The following BSN variants were observed in gnomAD, a reference collection of about 807,000 sequenced individuals.
BSN encodes the protein bassoon presynaptic cytomatrix protein.
BSN carries 57 observed loss-of-function variants against 264.8 expected under a neutral mutation model. That is an observed-to-expected ratio of 0.22 (90% CI 0.17 to 0.27). The LOEUF is 0.27. Ranked by LOEUF, BSN falls within the 10% of genes least tolerant of loss-of-function variation. The probability of loss-of-function intolerance (pLI) is 1.00; values close to 1 mark genes in which losing one functional copy is unlikely to be tolerated. For missense variants in BSN, 4,615 were observed against 5,232.5 expected, an observed-to-expected ratio of 0.88 and a Z score of 3.64; for synonymous variants, 2,059 against 2,137.3, an observed-to-expected ratio of 0.96 and a Z score of 1.01.
Position 49,663,813 on chromosome 3 carries a change from T to G in BSN, c.11535T>G (p.Ser3845=). 1 of 1,614,134 alleles carries G rather than the reference T, an allele frequency of 6.2e-7. No individual in the cohort carries two copies. The highest frequency in any genetic ancestry group is 8.5e-7 in the Non-Finnish European group (1 of 1,180,032). Residue 3845 remains serine (S), a synonymous_variant, in exon 8 of 12, where the codon TCT becomes TCG. Coordinates refer to ENST00000296452, the MANE Select transcript of BSN (RefSeq NM_003458.4). ...CACGGGCAGAACAGACAAATGGCTC[T>G]AAAGGGACAGCCAAAGCACCGCAAC... The part of the protein sequence containing the change: ...GPPRAEQTNG[S]KGTAKAPQQG...
chr3:49,655,560 G>A lies in BSN; in HGVS notation c.6004G>A (p.Gly2002Arg), dbSNP rs763665485. Residue 2002 changes from glycine to arginine, a missense_variant, in exon 5 of 12, where the codon GGG (glycine) becomes AGG (arginine). By Grantham distance (125) the Gly-to-Arg change is moderately radical. Coordinates refer to ENST00000296452, the MANE Select transcript of BSN (RefSeq NM_003458.4). ...CCTCAACTACCATGCCCAGAGGATC[G>A]GGCAGCTCTTCCAGGGTCCTGGACG... ...AGLNYHAQRI[G>R]QLFQGPGRDS... 6.8e-6 allele frequency: 11 copies of A among 1,613,194 alleles called. No homozygotes were observed. The Middle Eastern group carries it at 4.9e-4, about 72-fold the overall frequency.
chr3:49,606,128 A>ATATATAAATATATAT lies in BSN; in HGVS notation c.225-18841_225-18840insAATATATATTATATA, dbSNP rs1559603400. The stretch of plus-strand genomic sequence containing the variant: ...AATATATAATATATACGTATATATT[A>ATATATAAATATATAT]TATATACATATATTATATATGTATA... On this transcript the variant is annotated intron_variant, in intron 1 of 11. Coordinates refer to ENST00000296452, the MANE Select transcript of BSN (RefSeq NM_003458.4). Among the ~76,000 whole-genome samples, 12 of 43,026 alleles carry ATATATAAATATATAT rather than the reference A, an allele frequency of 2.8e-4. 1 individual carries two copies. The highest frequency in any genetic ancestry group is 1.2e-3 in the South Asian group (1 of 844). The allele number at this position is 43,026 out of a possible 152,430, so 28.2% of individuals were successfully genotyped here.
intron 2 of BSN, among the ~76,000 whole-genome samples, chr3:49,636,811 TG>T (rs2052423614): frequency 6.6e-6 from 1 of 152,240 alleles, no homozygotes; most frequent in African/African-American, 2.4e-5. Flanking sequence ...AGGTGCTAGA[TG>T]GGGCAGGCAA....
intron 1 of BSN, among the ~76,000 whole-genome samples, chr3:49,613,358 C>CCCAGAGCT (rs2052227293): frequency 2.2e-5 from 1 of 44,882 alleles, no homozygotes; most frequent in Non-Finnish European, 5.6e-5. Flanking sequence ...GAAGGGCTGG[C>CCCAGAGCT]CCAGAGCTCT....
intron 3 of BSN, among the ~76,000 whole-genome samples, chr3:49,643,377 T>C (rs1432757928): frequency 1.3e-5 from 2 of 152,244 alleles, no homozygotes; most frequent in Non-Finnish European, 2.9e-5. Flanking sequence ...TGGTGCCTAC[T>C]GACTCAGACT....
intron 1 of BSN, among the ~76,000 whole-genome samples, chr3:49,561,505 T>C (rs927089710): frequency 5.3e-5 from 8 of 152,188 alleles, no homozygotes; most frequent in African/African-American, 1.9e-4. Flanking sequence ...TACATTTGTG[T>C]TTGCAGGCAG....
At chr3:49,589,082 ATT>A (rs55919876) in intron 1 of BSN, among the ~76,000 whole-genome samples, 1 of 132,454 alleles carries the variant, frequency 7.5e-6, no homozygotes, top group Non-Finnish European at 1.6e-5. Context: ...GCCTGGCTAA[ATT>A]TTTTTTTTTT....
chr3:49,658,071 C>G lies in BSN; in HGVS notation c.8515C>G (p.Leu2839Val), dbSNP rs2052625833. 1.2e-6 allele frequency: 2 copies of G among 1,613,326 alleles called. No homozygotes were observed. The highest frequency in any genetic ancestry group is 1.1e-5 in the South Asian group (1 of 91,090). ...TADSALRQQT[L>V]PRPMKTLQRS... ...TGACAGCGCTCTCCGCCAGCAGACG[C>G]TGCCTCGCCCCATGAAGACCCTGCA... Residue 2839 changes from leucine to valine, a missense_variant, in exon 5 of 12, where the codon CTG (leucine) becomes GTG (valine). This residue lies in a region of BSN where 3,415 missense variants were observed against 3,866.4 expected (regional missense o/e 0.88). Coordinates refer to ENST00000296452, the MANE Select transcript of BSN (RefSeq NM_003458.4).
chr3:49,581,054 T>A (rs2051892644), intron 1 of BSN, among the ~76,000 whole-genome samples: 1 of 150,930 alleles, frequency 6.6e-6, no homozygotes, highest in Admixed American at 6.6e-5. Flanking sequence ...TAATCTTGGC[T>A]CACTGCAACC....
Position 49,652,443 on chromosome 3 carries a change from G to C in BSN, c.2887G>C (p.Glu963Gln). ...CAGTCTGGACCGGGAGCCTGAGCTG[G>C]AGATGGAGAGCCTAACGGGCTCCCC... is the stretch of plus-strand genomic sequence containing the variant. ...DPSLDREPEL[E>Q]MESLTGSPED... Residue 963 changes from glutamate to glutamine, a missense_variant, in exon 5 of 12, where the codon GAG becomes CAG. Glu to Gln is a conservative substitution (Grantham distance 29). Transcript: ENST00000296452. 2 of 1,613,406 alleles carry C rather than the reference G, an allele frequency of 1.2e-6. No individual in the cohort carries two copies. The highest frequency in any genetic ancestry group is 2.2e-5 in the South Asian group (2 of 91,040).
chr3:49,561,068 C>G (rs867385062), intron 1 of BSN, among the ~76,000 whole-genome samples: 1 of 152,182 alleles, frequency 6.6e-6, no homozygotes, highest in African/African-American at 2.4e-5. Flanking sequence ...TAGCAGAGAC[C>G]TGGGGCCCCT....
chr3:49,621,585 G>T (rs922169727), intron 1 of BSN, among the ~76,000 whole-genome samples: 2 of 152,190 alleles, frequency 1.3e-5, no homozygotes, highest in Non-Finnish European at 2.9e-5. Context: ...GTGACTGTCG[G>T]ATTTGATGAT....
At chr3:49,643,198 C>T (rs200687521) in intron 3 of BSN, 46 bp downstream of exon 3, 68 of 1,559,934 alleles carry the variant, frequency 4.4e-5, no homozygotes, top group South Asian at 2.7e-4. Context: ...GATGAGAGGC[C>T]GGGCCTGGGT....
At position 49,650,974 on chromosome 3, in the gene BSN, C is replaced by A. The variant is rs1365463122; in HGVS notation, c.1881C>A (p.Thr627=). 1 of 1,614,178 alleles carries A rather than the reference C, an allele frequency of 6.2e-7. No individual in the cohort carries two copies. Among genetic ancestry groups the A allele is most frequent in the Non-Finnish European group, 8.5e-7 (1 of 1,180,032 alleles). The change falls in exon 4 of 12, where the codon ACC becomes ACA. Residue 627 remains threonine, a synonymous_variant. Transcript: ENST00000296452. The stretch of plus-strand genomic sequence containing the variant: ...TGCCGAAGCCACCTCCAGAGACTAC[C>A]CCAACCCCTGCGACTCCTAAAGTAA... The part of the protein sequence containing the change: ...EPMPKPPPET[T]PTPATPKVKS...
Position 49,655,934 on chromosome 3 carries a change from G to A in BSN, c.6378G>A (p.Gln2126=), listed in dbSNP as rs750644839. 2 of 1,611,416 alleles carry A rather than the reference G, an allele frequency of 1.2e-6. No homozygotes were observed. The highest frequency in any genetic ancestry group is 8.5e-7 in the Non-Finnish European group (1 of 1,179,902). The change falls in exon 5 of 12, where the codon CAG becomes CAA. Residue 2126 remains glutamine, a synonymous_variant. Coordinates refer to ENST00000296452, the MANE Select transcript of BSN (RefSeq NM_003458.4). ...GTGGTGGTGGCCCTGACCTTGTGCA[G>A]TACCAGCCCCAGCACGGGCCCGGGC... The part of the protein sequence containing the change: ...GSGGGGPDLV[Q]YQPQHGPGLS...
chr3:49,615,141 C>A (rs1432863317), intron 1 of BSN, among the ~76,000 whole-genome samples: 1 of 152,232 alleles, frequency 6.6e-6, no homozygotes, highest in African/African-American at 2.4e-5. Context: ...TAAACATGTT[C>A]TCTTCTGGCC....
intron 1 of BSN, among the ~76,000 whole-genome samples, chr3:49,613,298 C>CACAGCGAG (rs2052222945): frequency 7.8e-5 from 2 of 25,666 alleles, no homozygotes; most frequent in Non-Finnish European, 1.8e-4. Context: ...TATACACACA[C>CACAGCGAG]AGAGCGAGAG....
At position 49,561,551 on chromosome 3, in the gene BSN, A is replaced by G. The variant is rs2051711795; in HGVS notation, c.224+6725A>G. Among the ~76,000 whole-genome samples the G allele has an allele frequency of 2.6e-5, 4 of 152,222 alleles. No individual in the cohort carries two copies. The South Asian group carries it at 8.3e-4, about 32-fold the overall frequency. On this transcript the variant is annotated intron_variant, in intron 1 of 11. Transcript: ENST00000296452. ...TCACTCCCATTAAAAAAATTTTTTT[A>G]ATTAATTATTTAAATTGACAAAAAT...
chr3:49,654,195 T>G lies in BSN; in HGVS notation c.4639T>G (p.Trp1547Gly), dbSNP rs529969275. 6.2e-7 allele frequency: 1 copy of G among 1,613,942 alleles called. No individual in the cohort carries two copies. Among genetic ancestry groups the G allele is most frequent in the South Asian group, 1.1e-5 (1 of 91,074 alleles). ...TCGACCCAGCACGCCTCGCCTGGTG[T>G]GGCAGGAGTCCTCTCAAGAGGCTCC... is the stretch of plus-strand genomic sequence containing the variant. ...PHRPSTPRLV[W>G]QESSQEAPFM... The change falls in exon 5 of 12, where the codon TGG becomes GGG. Residue 1547 changes from tryptophan (W) to glycine (G), a missense_variant. Transcript: ENST00000296452. This position sits in a 1 kb window ranked among gnomAD's most constrained non-coding sequence, Gnocchi z 4.1.
Sources: gnomAD v4.1 joint callset for allele counts (sites outside exome capture counted in the v4.1 genomes callset) on GRCh38, gnomAD v4.1.1 for gene constraint, gnomAD v4.1.1 regional missense constraint, Gnocchi (gnomAD v3.1) non-coding constraint, MANE v1.5 for transcripts, NCBI Gene and HGNC (gene_info 2026-07-23, HGNC 2026-07-21) for gene names.